Variants in TP53AIP1 observed in about 807,000 individuals in gnomAD.
TP53AIP1 encodes the protein tumor protein p53 regulated apoptosis inducing protein 1, also known as p53-regulated apoptosis-inducing protein 1.
Under a neutral mutation model 9.5 loss-of-function variants are expected in TP53AIP1, and 14 were observed. That is an observed-to-expected ratio of 1.47 (90% confidence interval 0.97 to 2.30). The LOEUF is 2.30. Ranked by LOEUF, TP53AIP1 falls within the 30% of genes most tolerant of loss-of-function variation. The pLI, the probability that TP53AIP1 is intolerant of heterozygous loss-of-function variation, is 0.00. For missense variants in TP53AIP1, 153 were observed against 146.7 expected (o/e 1.04, Z -0.22); for synonymous variants, 73 against 61.2 (o/e 1.19, Z -0.90).
At chr11:128,942,338 G>A (rs1944963957) in intron 1 of TP53AIP1, among the ~76,000 whole-genome samples, 1 of 152,216 alleles carries the variant, frequency 6.6e-6, no homozygotes, top group Admixed American at 6.5e-5. Context: ...CCACCATGCC[G>A]CCGTTCACCA....
At chr11:128,936,902 CAT>C (rs1944835704) in intron 2 of TP53AIP1, 22 of 1,275,480 alleles carry the variant, frequency 1.7e-5, no homozygotes, top group Non-Finnish European at 2.2e-5. Context: ...AAAGAACAGA[CAT>C]AAACCGGCGC....
rs751565537 is a variant in TP53AIP1, at chr11:128,937,747, C to T, written c.72G>A (p.Leu24=). 8.7e-6 allele frequency: 14 copies of T among 1,613,956 alleles called. No individual in the cohort carries two copies. The highest frequency in any genetic ancestry group is 1.3e-5 in the African/African-American group (1 of 74,912). The change falls in exon 2 of 4, where the codon CTG becomes CTA. Residue 24 remains leucine, a synonymous_variant. Transcript: ENST00000531399. The surrounding 1 kb of genome is among the most constrained non-coding windows in gnomAD (Gnocchi z 4.8). ...CCGAGAGGTTCTGGTCTCCCCTGCC[C>T]AGGCCCTGCCTCCTGGCCCCACTGC... is the stretch of plus-strand genomic sequence containing the variant. ...ASCSGARRQG[L]GRGDQNLSVM...
chr11:128,934,941 C>A, downstream of TP53AIP1: 1 of 701,020 alleles, frequency 1.4e-6, no homozygotes, highest in Non-Finnish European at 2.6e-6. Context: ...GATTTACACA[C>A]CAATGCTTTT....
At chr11:128,938,290 T>C (rs1944873205) in intron 1 of TP53AIP1, among the ~76,000 whole-genome samples, 1 of 152,226 alleles carries the variant, frequency 6.6e-6, no homozygotes. Flanking sequence ...ATTACATGCC[T>C]GATCTCTATC....
In TP53AIP1 at chr11:128,937,487, G is replaced by A. The variant is rs1458848051; in HGVS notation, c.141+191C>T. On this transcript the variant is annotated intron_variant, in intron 2 of 3. Coordinates refer to ENST00000531399, the MANE Select transcript of TP53AIP1 (RefSeq NM_022112.3). The surrounding 1 kb of genome is among the most constrained non-coding windows in gnomAD (Gnocchi z 4.8). ...CCTTCCTCTTGGGACTATTGATCAG[G>A]GCTGTCAGTTCCCAGCTCTGTCCAA... is the stretch of plus-strand genomic sequence containing the variant. 1.3e-6 allele frequency: 2 copies of A among 1,574,814 alleles called. No homozygotes were observed. The highest frequency in any genetic ancestry group is 1.7e-6 in the Non-Finnish European group (2 of 1,156,708).
intron 1 of TP53AIP1, among the ~76,000 whole-genome samples, chr11:128,941,641 G>A (rs1424416958): frequency 1.3e-5 from 2 of 152,234 alleles, no homozygotes; most frequent in African/African-American, 4.8e-5. Flanking sequence ...TGCCCCGGCT[G>A]CTGGGGGGAC....
rs556863956 is a variant in TP53AIP1, at chr11:128,935,740, T to C, written c.254-28A>G. On this transcript the variant is annotated intron_variant, in intron 3 of 3. Transcript: ENST00000531399. ...CAGTAGGGAGGGAGAGAATTTACTC[T>C]TTGCAAAACGTATGGAGTCCTTGTT... 364 of 1,527,132 alleles carry C rather than the reference T, an allele frequency of 2.4e-4. 5 individuals are homozygous for C. The South Asian group carries it at 3.5e-3, about 15-fold the overall frequency. The allele number at this position is 1,527,132 out of a possible 1,614,324, so 94.6% of individuals were successfully genotyped here. A position where few individuals can be genotyped will look rare whatever the true frequency, so the allele number is the denominator to read the frequency against.
rs530119826 is a variant in TP53AIP1, at chr11:128,939,142, G to A, written c.-76-1248C>T. Among the ~76,000 whole-genome samples, 8 of 152,200 alleles carry A rather than the reference G, an allele frequency of 5.3e-5. No individual in the cohort carries two copies. The highest frequency in any genetic ancestry group is 1.2e-4 in the Non-Finnish European group (8 of 68,036). On this transcript the variant is annotated intron_variant, in intron 1 of 3. Coordinates refer to ENST00000531399, the MANE Select transcript of TP53AIP1 (RefSeq NM_022112.3). The surrounding 1 kb of genome is among the most constrained non-coding windows in gnomAD (Gnocchi z 4.1). ...ACCCAATGCTGCACGTTACGAAAAT[G>A]TAAAAGAACGAACACGGCTTCAATA...
In TP53AIP1 at chr11:128,939,205, G is replaced by A. The variant is rs1356570461; in HGVS notation, c.-76-1311C>T. 6.6e-6 allele frequency among the ~76,000 whole-genome samples: 1 copy of A among 152,154 alleles called. No homozygotes were observed. Among genetic ancestry groups the A allele is most frequent in the Non-Finnish European group, 1.5e-5 (1 of 68,034 alleles). On this transcript the variant is annotated intron_variant, in intron 1 of 3. Coordinates refer to ENST00000531399, the MANE Select transcript of TP53AIP1 (RefSeq NM_022112.3). The surrounding 1 kb of genome is among the most constrained non-coding windows in gnomAD (Gnocchi z 4.1). ...CCAAAGGTCACGTTCTTTCCCTGCG[G>A]CTCCCTTCCCCATCTGGTTCTGGGG...
chr11:128,935,742 T>C (rs757580185), intron 3 of TP53AIP1, 30 bp from the exon 4 acceptor site: 94 of 1,525,480 alleles, frequency 6.2e-5, no homozygotes, highest in Non-Finnish European at 7.4e-5. Flanking sequence ...ATTTACTCTT[T>C]GCAAAACGTA....
chr11:128,936,914 C>CT, intron 2 of TP53AIP1: 1 of 1,235,090 alleles, frequency 8.1e-7, no homozygotes, highest in Non-Finnish European at 1.0e-6. Flanking sequence ...TAAACCGGCG[C>CT]TTCCTCCCTC....
chr11:128,936,915 T>C (rs1441517224), intron 2 of TP53AIP1: 1 of 1,210,658 alleles, frequency 8.3e-7, no homozygotes, highest in African/African-American at 1.6e-5. Context: ...AAACCGGCGC[T>C]TCCTCCCTCC....
At chr11:128,941,625 T>A (rs1316230464) in intron 1 of TP53AIP1, among the ~76,000 whole-genome samples, 1 of 152,236 alleles carries the variant, frequency 6.6e-6, no homozygotes, top group African/African-American at 2.4e-5. Flanking sequence ...CATTTCTTTC[T>A]CTGCTTGCCC....
In TP53AIP1 at chr11:128,937,656, G is replaced by A; in HGVS notation, c.141+22C>T. 15 of 1,614,144 alleles carry A rather than the reference G, an allele frequency of 9.3e-6. No individual in the cohort carries two copies. The highest frequency in any genetic ancestry group is 4.5e-5 in the East Asian group (2 of 44,888). Reference sequence around the variant, plus strand: ...GCTGTGGCAGGCAAAAGACCGTCTCGGTTTTCACTGCAGGGACTTACCCAG... The same window carrying A: ...GCTGTGGCAGGCAAAAGACCGTCTCAGTTTTCACTGCAGGGACTTACCCAG... On this transcript the variant is annotated intron_variant, in intron 2 of 3. Transcript: ENST00000531399. The surrounding 1 kb of genome is among the most constrained non-coding windows in gnomAD (Gnocchi z 4.8).
At chr11:128,936,057 T>C in intron 3 of TP53AIP1, 3 of 770,402 alleles carry the variant, frequency 3.9e-6, no homozygotes, top group South Asian at 9.6e-5. Context: ...TGGAAGCTAT[T>C]ATCATTCCAT....
chr11:128,936,904 T>C (rs1241111661), intron 2 of TP53AIP1: 4 of 1,266,166 alleles, frequency 3.2e-6, no homozygotes, highest in Non-Finnish European at 4.0e-6. Flanking sequence ...AGAACAGACA[T>C]AAACCGGCGC....
chr11:128,942,582 T>C (rs557448843), intron 1 of TP53AIP1, among the ~76,000 whole-genome samples: 9 of 152,284 alleles, frequency 5.9e-5, no homozygotes, highest in African/African-American at 2.2e-4. Flanking sequence ...GTCCTCCAGG[T>C]GACTCTGATG....
At chr11:128,942,340 C>G (rs1944964027) in intron 1 of TP53AIP1, among the ~76,000 whole-genome samples, 1 of 152,206 alleles carries the variant, frequency 6.6e-6, no homozygotes, top group South Asian at 2.1e-4. Flanking sequence ...ACCATGCCGC[C>G]GTTCACCAGG....
At chr11:128,935,369 A>AT (rs997642630), downstream of TP53AIP1, 15 of 1,413,802 alleles carry the variant, frequency 1.1e-5, no homozygotes, top group South Asian at 4.9e-5. Context: ...CTTCACAAGA[A>AT]TTTTTTTCCA....
Sources: allele counts gnomAD v4.1 joint callset (sites outside exome capture counted in the v4.1 genomes callset), GRCh38; gene constraint gnomAD v4.1.1; non-coding constraint Gnocchi (gnomAD v3.1); transcripts MANE v1.5; gene names NCBI Gene and HGNC (gene_info 2026-07-23, HGNC 2026-07-21).